Variants in VPS13B observed in about 807,000 individuals in gnomAD.
VPS13B encodes intermembrane lipid transfer protein VPS13B.
VPS13B carries 285 observed loss-of-function variants against 426.4 expected under a neutral mutation model. The ratio of observed to expected loss-of-function variants is 0.67; its 90% confidence interval spans 0.61 to 0.74. VPS13B has a LOEUF of 0.74. VPS13B is among the 30% of genes least tolerant of loss of function. The pLI, the probability that VPS13B is intolerant of heterozygous loss-of-function variation, is 0.00. For missense variants in VPS13B, 4,537 were observed against 4,782.6 expected (o/e 0.95, Z 1.51); for synonymous variants, 1,676 against 1,676.4 (o/e 1.00, Z 0.01).
At chr8:99,386,573 A>G (rs943427191) in intron 20 of VPS13B, among the ~76,000 whole-genome samples, 10 of 152,226 alleles carry the variant, frequency 6.6e-5, no homozygotes, top group Admixed American at 5.9e-4. Flanking sequence ...AAGGTATAGT[A>G]AAAATATGCC....
At chr8:99,661,599 T>C in intron 35 of VPS13B, 108 bp downstream of exon 35, 1 of 1,373,268 alleles carries the variant, frequency 7.3e-7, no homozygotes, top group South Asian at 1.2e-5. Context: ...AAATGAATAG[T>C]TCATTTTTTC....
In VPS13B at chr8:99,511,127, C is replaced by T. The variant is rs202048397; in HGVS notation, c.4248C>T (p.Gly1416=). Residue 1416 remains glycine, a synonymous_variant, in exon 29 of 62, where the codon GGC becomes GGT. Transcript: ENST00000357162. ...AGACAACTACAAAACTTCTAGATGG[C>T]ACTCATCAGCAGCATGGATTCCTCT... The part of the protein sequence containing the change: ...KSVTTTKLLD[G]THQQHGFLSL... The T allele has an allele frequency of 6.2e-7, 1 of 1,613,268 alleles. No individual in the cohort carries two copies. The highest frequency in any genetic ancestry group is 1.7e-5 in the Admixed American group (1 of 60,010).
chr8:99,253,448 T>G lies in VPS13B; in HGVS notation c.2516-20750T>G, dbSNP rs142570187. ...GACCATATGACATTCCTAGCAGCAATGTATGAGGGTTTCAATATCTCCACA... is the reference window on the plus strand; with the variant it reads ...GACCATATGACATTCCTAGCAGCAAGGTATGAGGGTTTCAATATCTCCACA... On this transcript the variant is annotated intron_variant, in intron 17 of 61. Transcript: ENST00000357162. 1.8e-3 allele frequency among the ~76,000 whole-genome samples: 268 copies of G among 152,298 alleles called. 1 individual carries two copies. The highest frequency in any genetic ancestry group is 6.3e-3 in the African/African-American group (262 of 41,582).
intron 15 of VPS13B, among the ~76,000 whole-genome samples, chr8:99,158,592 A>G (rs375950227): frequency 6.6e-6 from 1 of 152,334 alleles, no homozygotes; most frequent in South Asian, 2.1e-4. Flanking sequence ...CTCATCTACC[A>G]TTCTGAAAAT....
intron 30 of VPS13B, among the ~76,000 whole-genome samples, chr8:99,527,091 A>G (rs1203890712): frequency 2.0e-5 from 3 of 152,060 alleles, no homozygotes; most frequent in Non-Finnish European, 2.9e-5. Context: ...TCAAAACACT[A>G]TGAAAGGTTC....
chr8:99,462,336 C>T (rs896688405), intron 23 of VPS13B, among the ~76,000 whole-genome samples: 3 of 152,070 alleles, frequency 2.0e-5, no homozygotes, highest in Non-Finnish European at 2.9e-5. Context: ...GTTGTCAAAT[C>T]GATTAGAACT....
rs142835439 is a variant in VPS13B at position 99,069,457 on chromosome 8, A to G, written c.292-26855A>G. Among the ~76,000 whole-genome samples, 102 of 152,358 alleles carry G rather than the reference A, an allele frequency of 6.7e-4. 1 individual carries two copies. The highest frequency in any genetic ancestry group is 2.3e-3 in the African/African-American group (97 of 41,584). ...AAGAAAAGGAGTCATTTTGTGATTG[A>G]GAGACAAAAGAACAAGTTAATAATG... On this transcript the variant is annotated intron_variant, in intron 3 of 61. Transcript: ENST00000357162.
At chr8:99,246,290 T>A (rs1171857562) in intron 17 of VPS13B, among the ~76,000 whole-genome samples, 2 of 152,172 alleles carry the variant, frequency 1.3e-5, no homozygotes, top group Non-Finnish European at 2.9e-5. Flanking sequence ...GGGGCCTGGA[T>A]GTTGATCTTT....
chr8:99,092,346 A>G (rs965235589), intron 3 of VPS13B, among the ~76,000 whole-genome samples: 2 of 152,166 alleles, frequency 1.3e-5, no homozygotes, highest in African/African-American at 2.4e-5. Flanking sequence ...GAAAATTGCA[A>G]CCTAAATAAG....
intron 43 of VPS13B, among the ~76,000 whole-genome samples, chr8:99,789,949 C>T (rs1269859868): frequency 1.3e-5 from 2 of 151,946 alleles, no homozygotes; most frequent in Admixed American, 1.3e-4. Context: ...TTTTTATGTA[C>T]TTTTCAACTT....
chr8:99,272,856 G>A (rs949788054), intron 17 of VPS13B, among the ~76,000 whole-genome samples: 2 of 152,074 alleles, frequency 1.3e-5, no homozygotes, highest in Admixed American at 1.3e-4. Flanking sequence ...TGAGCTACAG[G>A]TTGAGTGACC....
chr8:99,363,939 A>C (rs1455608113), intron 19 of VPS13B, among the ~76,000 whole-genome samples: 2 of 152,202 alleles, frequency 1.3e-5, no homozygotes, highest in Middle Eastern at 3.4e-3. Context: ...TTTCTTTCCA[A>C]TTTGGATGCC....
intron 41 of VPS13B, 144 bp downstream of exon 41, chr8:99,777,100 G>C: frequency 9.7e-7 from 1 of 1,028,502 alleles, no homozygotes; most frequent in African/African-American, 1.6e-5. Flanking sequence ...TCCTGGGGTT[G>C]ACTTGGCAAA....
At chr8:99,449,957 A>G (rs1818106458) in intron 23 of VPS13B, among the ~76,000 whole-genome samples, 1 of 152,074 alleles carries the variant, frequency 6.6e-6, no homozygotes, top group Non-Finnish European at 1.5e-5. Flanking sequence ...GGTTCGTGCC[A>G]CCATGCCCAG....
At chr8:99,395,649 A>T (rs1245461028) in intron 21 of VPS13B, among the ~76,000 whole-genome samples, 1 of 152,230 alleles carries the variant, frequency 6.6e-6, no homozygotes, top group Non-Finnish European at 1.5e-5. Flanking sequence ...CATCATTAAA[A>T]GGAATACAAT....
intron 17 of VPS13B, among the ~76,000 whole-genome samples, chr8:99,251,944 T>C (rs1817529576): frequency 6.6e-6 from 1 of 151,854 alleles, no homozygotes; most frequent in Admixed American, 6.5e-5. Context: ...TTCCTTATAT[T>C]GGTAATTTAT....
rs751076455 is a variant in VPS13B, at chr8:99,859,496, C to T, written c.11044+16C>T. 6.2e-7 allele frequency: 1 copy of T among 1,611,858 alleles called. No individual in the cohort carries two copies. Among genetic ancestry groups the T allele is most frequent in the Non-Finnish European group, 8.5e-7 (1 of 1,179,744 alleles). On this transcript the variant is annotated intron_variant, in intron 57 of 61. Coordinates refer to ENST00000357162, the MANE Select transcript of VPS13B (RefSeq NM_152564.5). ...ATCTCCAAAGGTAGCGGGTTCCGTT[C>T]CTTGTAATAATGCCTTCACTCCTTC...
chr8:99,456,485 T>TA (rs968833408), intron 23 of VPS13B, among the ~76,000 whole-genome samples: 1 of 152,138 alleles, frequency 6.6e-6, no homozygotes, highest in Non-Finnish European at 1.5e-5. Context: ...TGAAACCTTT[T>TA]AAAAAATCAT....
intron 19 of VPS13B, among the ~76,000 whole-genome samples, chr8:99,342,869 A>G (rs1036688733): frequency 2.0e-5 from 3 of 152,132 alleles, no homozygotes; most frequent in Admixed American, 2.0e-4. Flanking sequence ...GCAACTATGT[A>G]CAAGATTTCC....
Sources: allele counts gnomAD v4.1 joint callset (sites outside exome capture counted in the v4.1 genomes callset), GRCh38; gene constraint gnomAD v4.1.1; transcripts MANE v1.5; gene names NCBI Gene and HGNC (gene_info 2026-07-23, HGNC 2026-07-21).